Variants in DMBT1 observed in about 807,000 individuals in gnomAD.
DMBT1 encodes scavenger receptor cysteine-rich domain-containing protein DMBT1.
A neutral mutation model predicts 252.9 loss-of-function variants in DMBT1; 198 were observed. That is an observed-to-expected ratio of 0.78 (90% CI 0.70 to 0.88). DMBT1 has a LOEUF of 0.88. Among genes scored for constraint, DMBT1 ranks in the 40% least tolerant of loss-of-function variants. The pLI is 0.00. For synonymous variants in DMBT1, 990 were observed against 942.7 expected, an observed-to-expected ratio of 1.05 and a Z score of -0.92; for missense variants, 2,432 against 2,404.7, an observed-to-expected ratio of 1.01 and a Z score of -0.24.
rs114077354 is a variant in DMBT1, at chr10:122,622,917, G to T, written c.5608+1537G>T. On this transcript the variant is annotated intron_variant, in intron 44 of 55. Transcript: ENST00000338354. ...CTTTTGATACTATCTGCTCTTTGCT[G>T]GTTGACGTTACCCCTCTATCCTGAG... is the stretch of plus-strand genomic sequence containing the variant. Among the ~76,000 whole-genome samples the T allele has an allele frequency of 4.7e-3, 711 of 152,270 alleles. 4 individuals are homozygous for T. Among genetic ancestry groups the T allele is most frequent in the African/African-American group, 0.016 (666 of 41,540 alleles).
At position 122,625,284 on chromosome 10, in the gene DMBT1, A is replaced by C. The variant is rs370682186; in HGVS notation, c.5616A>C (p.Gln1872His). 6.2e-7 allele frequency: 1 copy of C among 1,611,414 alleles called. No homozygotes were observed. Among genetic ancestry groups the C allele is most frequent in the Non-Finnish European group, 8.5e-7 (1 of 1,178,844 alleles). ...EDAGVICSAT[Q>H]INSTTTDWWH... ...TTCTTCTTTTCCTTGCAGCCACCCA[A>C]ATAAATTCTACTACGACAGGTGAGT... Residue 1872 changes from glutamine to histidine, a missense_variant, in exon 45 of 56, where the codon CAA becomes CAC. Gln to His is a conservative substitution (Grantham distance 24). Transcript: ENST00000338354.
At chr10:122,632,150 G>A (rs547825170) in intron 50 of DMBT1, among the ~76,000 whole-genome samples, 50 of 152,194 alleles carry the variant, frequency 3.3e-4, no homozygotes, top group African/African-American at 1.2e-3. Flanking sequence ...ACCAGACCCT[G>A]ACCAGTGTTG....
chr10:122,597,889 A>G (rs1426792366), intron 24 of DMBT1, 85 bp from the exon 25 acceptor site: 6 of 1,600,858 alleles, frequency 3.7e-6, no homozygotes, highest in South Asian at 2.2e-5. Flanking sequence ...AGTTTTCATG[A>G]TGTTTGCCTT....
chr10:122,635,709 C>A (rs1385760703), intron 52 of DMBT1, among the ~76,000 whole-genome samples: 3 of 152,098 alleles, frequency 2.0e-5, no homozygotes, highest in African/African-American at 7.2e-5. Flanking sequence ...GCTTGTGCCA[C>A]CACGCCCGGC....
At chr10:122,619,427 T>G (rs1591474472) in intron 42 of DMBT1, 90 bp downstream of exon 42, 1 of 1,545,088 alleles carries the variant, frequency 6.5e-7, no homozygotes. Context: ...TGCTTTTCTG[T>G]GCGGATACTG....
rs564241679 is a variant in DMBT1, at chr10:122,617,945, G to T, written c.4892-72G>T. 107 of 1,595,598 alleles carry T rather than the reference G, an allele frequency of 6.7e-5. No individual in the cohort carries two copies. In the African/African-American group the frequency reaches 1.3e-3, roughly 19 times the overall value. ...GACTCTGGCCATTAGGAAGTACCCTGAGTGTGGAACTTGCCTTAGATTGTT... is the reference window on the plus strand; with the variant it reads ...GACTCTGGCCATTAGGAAGTACCCTTAGTGTGGAACTTGCCTTAGATTGTT... On this transcript the variant is annotated intron_variant, in intron 40 of 55. Coordinates refer to ENST00000338354, the MANE Select transcript of DMBT1 (RefSeq NM_001377530.1).
intron 4 of DMBT1, among the ~76,000 whole-genome samples, chr10:122,571,302 A>G (rs2097661319): frequency 6.6e-6 from 1 of 152,212 alleles, no homozygotes; most frequent in Non-Finnish European, 1.5e-5. Flanking sequence ...TCAGCCCCTC[A>G]GAATCTGCTG....
intron 42 of DMBT1, among the ~76,000 whole-genome samples, chr10:122,619,619 G>A (rs796641303): frequency 6.6e-6 from 1 of 152,212 alleles, no homozygotes; most frequent in African/African-American, 2.4e-5. Flanking sequence ...TGTTTAATGA[G>A]CTTTAGCTCA....
intron 11 of DMBT1, among the ~76,000 whole-genome samples, chr10:122,581,545 G>A (rs1479498316): frequency 1.3e-5 from 2 of 148,706 alleles, no homozygotes; most frequent in African/African-American, 2.6e-5. Context: ...CATGGTGGGG[G>A]CATCCTCTAA....
In DMBT1 at chr10:122,600,077, G is replaced by C. The variant is rs199638381; in HGVS notation, c.3294G>C (p.Arg1098=). The C allele has an allele frequency of 3.7e-4, 592 of 1,606,922 alleles. 17 individuals are homozygous for C. Among genetic ancestry groups the C allele is most frequent in the South Asian group, 9.4e-4 (85 of 90,146 alleles). ...TCTTTCTCACAGCTTCCCAGTCCCGGCCAACACCTAGTCCAGGTGGGTCCC... is the reference window on the plus strand; with the variant it reads ...TCTTTCTCACAGCTTCCCAGTCCCGCCCAACACCTAGTCCAGGTGGGTCCC... ...AGVICSASQS[R]PTPSPDTWPT... Residue 1098 remains arginine (R), a synonymous_variant, in exon 27 of 56, where the codon CGG becomes CGC. Transcript: ENST00000338354.
intron 10 of DMBT1, 58 bp from the exon 11 acceptor site, chr10:122,580,808 A>C (rs2097761911): frequency 2.5e-6 from 4 of 1,605,984 alleles, no homozygotes; most frequent in South Asian, 2.2e-5. Flanking sequence ...TCCTCGTTCC[A>C]GTTTTGCCGA....
intron 27 of DMBT1, 82 bp downstream of exon 27, chr10:122,600,175 T>C: frequency 6.6e-7 from 1 of 1,524,702 alleles, no homozygotes; most frequent in Non-Finnish European, 8.9e-7. Flanking sequence ...AGCTCTCCTG[T>C]TTCTCTGTGT....
At chr10:122,591,679 C>T (rs941503196) in intron 19 of DMBT1, among the ~76,000 whole-genome samples, 162 bp downstream of exon 19, 10 of 148,230 alleles carry the variant, frequency 6.7e-5, no homozygotes, top group African/African-American at 2.2e-4. Flanking sequence ...AGTCCCGGGT[C>T]GGGTGTTAGA....
rs944415332 is a variant in DMBT1, at chr10:122,585,088, G to A, written c.1421-183G>A. Among the ~76,000 whole-genome samples the A allele has an allele frequency of 9.4e-5, 14 of 148,772 alleles. 2 individuals are homozygous for A. The highest frequency in any genetic ancestry group is 4.1e-4 in the East Asian group (2 of 4,830). On this transcript the variant is annotated intron_variant, in intron 14 of 55. Coordinates refer to ENST00000338354, the MANE Select transcript of DMBT1 (RefSeq NM_001377530.1). ...GCAGGAGGGATCGAACTGGTCTCCA[G>A]CAAGGCTTATGTCCCTTGCTGAGCT...
intron 46 of DMBT1, among the ~76,000 whole-genome samples, chr10:122,626,475 A>G (rs2098119687): frequency 6.6e-6 from 1 of 152,244 alleles, no homozygotes; most frequent in African/African-American, 2.4e-5. Flanking sequence ...GATGAAGAAT[A>G]TTTTTATAGA....
At chr10:122,562,697 G>C (rs1290105083) in intron 1 of DMBT1, among the ~76,000 whole-genome samples, 1 of 152,210 alleles carries the variant, frequency 6.6e-6, no homozygotes, top group African/African-American at 2.4e-5. Flanking sequence ...GACATTTGTA[G>C]TTTGCCCATG....
chr10:122,639,996 A>T, intron 54 of DMBT1, 44 bp from the exon 55 acceptor site: 1 of 1,586,322 alleles, frequency 6.3e-7, no homozygotes, highest in Non-Finnish European at 8.6e-7. Context: ...TTCCCTTAGC[A>T]GGTGACATGT....
chr10:122,579,163 A>G (rs1017516259), intron 9 of DMBT1, among the ~76,000 whole-genome samples: 4 of 151,724 alleles, frequency 2.6e-5, no homozygotes, highest in African/African-American at 9.7e-5. Flanking sequence ...TGGGCTCAGA[A>G]CAAGCCCTGG....
At chr10:122,573,618 T>C in intron 5 of DMBT1, 97 bp from the exon 6 acceptor site, 1 of 1,455,006 alleles carries the variant, frequency 6.9e-7, no homozygotes, top group Non-Finnish European at 9.6e-7. Context: ...TTAGGACCTG[T>C]GCTTCCAGCC....
Sources: gnomAD v4.1 joint callset for allele counts (sites outside exome capture counted in the v4.1 genomes callset) on GRCh38, gnomAD v4.1.1 for gene constraint, MANE v1.5 for transcripts, NCBI Gene and HGNC (gene_info 2026-07-23, HGNC 2026-07-21) for gene names.